SNTA1: variants seen among roughly 807,000 people sequenced by gnomAD.
The protein encoded by SNTA1 is syntrophin alpha 1, also known as alpha-1-syntrophin.
SNTA1 carries 31 observed loss-of-function variants against 47.1 expected under a neutral mutation model. The observed-to-expected ratio is 0.66, with a 90% CI of 0.49 to 0.89. The LOEUF is 0.89. Ranked by LOEUF, SNTA1 falls within the 40% of genes least tolerant of loss-of-function variation. The pLI is 0.00. For synonymous variants in SNTA1, 300 were observed against 313.6 expected, an observed-to-expected ratio of 0.96 and a Z score of 0.46; for missense variants, 575 against 693.0, an observed-to-expected ratio of 0.83 and a Z score of 1.91.
intron 2 of SNTA1, among the ~76,000 whole-genome samples, chr20:33,434,818 G>GT (rs1990396953): frequency 6.6e-6 from 1 of 151,448 alleles, no homozygotes; most frequent in Non-Finnish European, 1.5e-5. Flanking sequence ...GATTACAGGC[G>GT]TAAGCCACCA....
rs374819596 is a variant in SNTA1, at chr20:33,440,970, A to G, written c.311-1944T>C. Reference sequence around the variant, plus strand: ...AGTCCAGGCTGGAAACCAAAGCCTTAGAGTCTAGAGATTCTAAAAACCTGC... The same window carrying G: ...AGTCCAGGCTGGAAACCAAAGCCTTGGAGTCTAGAGATTCTAAAAACCTGC... On this transcript the variant is annotated intron_variant, in intron 1 of 7. Coordinates refer to ENST00000217381, the MANE Select transcript of SNTA1 (RefSeq NM_003098.3). Among the ~76,000 whole-genome samples the G allele has an allele frequency of 7.2e-5, 11 of 152,374 alleles. No homozygotes were observed. In the East Asian group the frequency reaches 1.5e-3, roughly 21 times the overall value.
intron 2 of SNTA1, among the ~76,000 whole-genome samples, chr20:33,424,883 G>A (rs1328000359): frequency 3.3e-5 from 5 of 151,528 alleles, no homozygotes; most frequent in Non-Finnish European, 7.4e-5. Context: ...TTGGGGGGCC[G>A]ACGCGGGCAG....
At chr20:33,428,052 G>A (rs1973820836) in intron 2 of SNTA1, among the ~76,000 whole-genome samples, 1 of 152,068 alleles carries the variant, frequency 6.6e-6, no homozygotes, top group Non-Finnish European at 1.5e-5. Context: ...AGCTTCAGGA[G>A]TAAATAGGAC....
intron 2 of SNTA1, among the ~76,000 whole-genome samples, chr20:33,424,491 T>C (rs548325842): frequency 1.1e-4 from 16 of 150,524 alleles, no homozygotes; most frequent in Admixed American, 5.3e-4. Flanking sequence ...CTGGGTGACA[T>C]AGGGAGACCC....
At chr20:33,415,049 C>T (rs1989839750) in intron 3 of SNTA1, among the ~76,000 whole-genome samples, 1 of 152,108 alleles carries the variant, frequency 6.6e-6, no homozygotes, top group African/African-American at 2.4e-5. Context: ...TGACAGTGGG[C>T]CATATGGAAC....
intron 2 of SNTA1, among the ~76,000 whole-genome samples, chr20:33,425,990 C>T (rs941088195): frequency 6.7e-6 from 1 of 150,098 alleles, no homozygotes; most frequent in African/African-American, 2.5e-5. Flanking sequence ...ACAGGAGAAT[C>T]GCTTGAATCA....
At chr20:33,428,886 CA>C (rs1270398840) in intron 2 of SNTA1, among the ~76,000 whole-genome samples, 1 of 151,690 alleles carries the variant, frequency 6.6e-6, no homozygotes, top group Admixed American at 6.6e-5. Context: ...ACTAAAAATA[CA>C]AAAATTAGCC....
chr20:33,443,053 A>T (rs920274031), intron 1 of SNTA1, among the ~76,000 whole-genome samples: 4 of 143,194 alleles, frequency 2.8e-5, no homozygotes, highest in African/African-American at 1.0e-4. Context: ...GCCTCCACAC[A>T]GAACTCCCAC....
chr20:33,426,463 A>C (rs1365406393), intron 2 of SNTA1, among the ~76,000 whole-genome samples: 2 of 150,482 alleles, frequency 1.3e-5, no homozygotes, highest in Non-Finnish European at 3.0e-5. Flanking sequence ...AAAAAAAAAA[A>C]AAAAGATTCA....
At chr20:33,412,953 A>G (rs1989781913) in intron 3 of SNTA1, among the ~76,000 whole-genome samples, 171 bp from the exon 4 acceptor site, 1 of 152,144 alleles carries the variant, frequency 6.6e-6, no homozygotes. Context: ...CTGGGGCTTC[A>G]TGGGGCATAG....
chr20:33,422,438 C>CAAA lies in SNTA1; in HGVS notation c.497-4518_497-4516dup, dbSNP rs57774332. 8.8e-3 allele frequency among the ~76,000 whole-genome samples: 1,152 copies of CAAA among 131,344 alleles called. 10 individuals carry two copies. Among genetic ancestry groups the CAAA allele is most frequent in the African/African-American group, 0.029 (1,050 of 36,522 alleles). The allele number at this position is 131,344 out of a possible 152,430, so 86.2% of individuals were successfully genotyped here. A position where few individuals can be genotyped will look rare whatever the true frequency, so the allele number is the denominator to read the frequency against. Reference sequence around the variant, plus strand: ...TGGGCGACAGAGCAAGACTCTGTCTCAAAAAAAAAAAAAGAAAAGAAAAAG... The same window carrying CAAA: ...TGGGCGACAGAGCAAGACTCTGTCTCAAAAAAAAAAAAAAAAGAAAAGAAAAAG... On this transcript the variant is annotated intron_variant, in intron 2 of 7. Coordinates refer to ENST00000217381, the MANE Select transcript of SNTA1 (RefSeq NM_003098.3).
chr20:33,427,138 C>G (rs188977280), intron 2 of SNTA1, among the ~76,000 whole-genome samples: 18 of 151,968 alleles, frequency 1.2e-4, no homozygotes, highest in Admixed American at 6.6e-4. Context: ...GCACCTTCTC[C>G]TGCCTGGCAT....
At chr20:33,411,830 A>T (rs1989747261) in intron 5 of SNTA1, among the ~76,000 whole-genome samples, 1 of 152,154 alleles carries the variant, frequency 6.6e-6, no homozygotes, top group Non-Finnish European at 1.5e-5. Context: ...TTCTCTCTGC[A>T]TGGGATGCTC....
At chr20:33,443,287 G>C in intron 1 of SNTA1, 24 bp downstream of exon 1, 1 of 1,494,696 alleles carries the variant, frequency 6.7e-7, no homozygotes, top group Non-Finnish European at 8.9e-7. Flanking sequence ...CCACGACCCC[G>C]CGCCCTCGGT....
At position 33,408,283 on chromosome 20, in the gene SNTA1, G is replaced by C. The variant is rs1293153092; in HGVS notation, c.*224C>G. 8.5e-6 allele frequency: 5 copies of C among 591,456 alleles called. No individual in the cohort carries two copies. In the African/African-American group the frequency reaches 9.3e-5, roughly 11 times the overall value. The allele number at this position is 591,456 out of a possible 1,614,324, so 36.6% of individuals were successfully genotyped here. A position where few individuals can be genotyped will look rare whatever the true frequency, so the allele number is the denominator to read the frequency against. On this transcript the variant is annotated 3_prime_UTR_variant, in exon 8 of 8. Transcript: ENST00000217381. ...TCTCTGCAAAAGGCACTGGTGGAGG[G>C]GGGCAGCAGGAAGGCCACCCCATCA...
At position 33,414,245 on chromosome 20, in the gene SNTA1, C is replaced by CAAAAAAAAAAAAA. The variant is rs56186098; in HGVS notation, c.702-1476_702-1464dup. Among the ~76,000 whole-genome samples, 153 of 29,112 alleles carry CAAAAAAAAAAAAA rather than the reference C, an allele frequency of 5.3e-3. 3 individuals are homozygous for CAAAAAAAAAAAAA. Among genetic ancestry groups the CAAAAAAAAAAAAA allele is most frequent in the Non-Finnish European group, 7.5e-3 (97 of 12,886 alleles). The allele number at this position is 29,112 out of a possible 152,430, so 19.1% of individuals were successfully genotyped here. A position where few individuals can be genotyped will look rare whatever the true frequency, so the allele number is the denominator to read the frequency against. On this transcript the variant is annotated intron_variant, in intron 3 of 7. Transcript: ENST00000217381. Reference sequence around the variant, plus strand: ...AAAAGCGAAACTCCGTCTCAAAAACCAAAAAAAAAAAAAAAAAAAAAAAAA... The same window carrying CAAAAAAAAAAAAA: ...AAAAGCGAAACTCCGTCTCAAAAACCAAAAAAAAAAAAAAAAAAAAAAAAAAAAAAAAAAAAAA...
chr20:33,410,030 C>T, intron 6 of SNTA1, 105 bp downstream of exon 6: 1 of 1,222,366 alleles, frequency 8.2e-7, no homozygotes, highest in Admixed American at 1.8e-5. Flanking sequence ...CCTCCAAACC[C>T]CATTTTCTAT....
intron 5 of SNTA1, among the ~76,000 whole-genome samples, 164 bp downstream of exon 5, chr20:33,412,132 T>C (rs940609361): frequency 6.6e-6 from 1 of 152,112 alleles, no homozygotes; most frequent in Non-Finnish European, 1.5e-5. Context: ...AAGCACCCAT[T>C]TTACAGATGA....
intron 2 of SNTA1, among the ~76,000 whole-genome samples, chr20:33,422,180 G>A (rs1038446774): frequency 4.6e-5 from 7 of 152,080 alleles, no homozygotes; most frequent in Non-Finnish European, 1.0e-4. Flanking sequence ...AGTGCCTCAC[G>A]CCTGTAATCC....
Sources: gnomAD v4.1 joint callset for allele counts (sites outside exome capture counted in the v4.1 genomes callset) on GRCh38, gnomAD v4.1.1 for gene constraint, MANE v1.5 for transcripts, NCBI Gene and HGNC (gene_info 2026-07-23, HGNC 2026-07-21) for gene names.